PJA2: variants seen among roughly 807,000 people sequenced by gnomAD.
PJA2 encodes E3 ubiquitin-protein ligase Praja-2.
In PJA2, 25 loss-of-function variants were observed where a neutral mutation model predicts 69.3. The ratio of observed to expected loss-of-function variants is 0.36; its 90% confidence interval spans 0.26 to 0.50. The LOEUF (loss-of-function observed/expected upper bound fraction) is 0.50, where lower values mean the gene tolerates loss of function less well. Ranked by LOEUF, PJA2 falls within the 20% of genes least tolerant of loss-of-function variation. PJA2 has a pLI of 0.96. For synonymous variants in PJA2, 308 were observed against 277.8 expected (o/e 1.11, Z -1.08); for missense variants, 809 against 830.2 (o/e 0.97, Z 0.31).
intron 1 of PJA2, among the ~76,000 whole-genome samples, 157 bp downstream of exon 1, chr5:109,409,685 A>C (rs1747784837): frequency 6.6e-6 from 1 of 151,936 alleles, no homozygotes; most frequent in Non-Finnish European, 1.5e-5. Flanking sequence ...AACCCCACCC[A>C]CCATGGCCGG....
chr5:109,388,612 C>G (rs1423585331), intron 1 of PJA2, among the ~76,000 whole-genome samples: 1 of 152,150 alleles, frequency 6.6e-6, no homozygotes, highest in Non-Finnish European at 1.5e-5. Context: ...CGTGGATCTA[C>G]ACCCTTATGA....
At chr5:109,389,865 T>G (rs1747241699) in intron 1 of PJA2, among the ~76,000 whole-genome samples, 1 of 151,982 alleles carries the variant, frequency 6.6e-6, no homozygotes, top group African/African-American at 2.4e-5. Flanking sequence ...CACAGGCTAC[T>G]CAGAAGTGTC....
At chr5:109,337,794 A>C (rs1445129079) in intron 9 of PJA2, among the ~76,000 whole-genome samples, 1 of 151,970 alleles carries the variant, frequency 6.6e-6, no homozygotes, top group African/African-American at 2.4e-5. Flanking sequence ...AATTCACACC[A>C]AATCATTTAT....
intron 7 of PJA2, among the ~76,000 whole-genome samples, chr5:109,347,076 T>C (rs1406892731): frequency 6.6e-5 from 10 of 152,086 alleles, no homozygotes; most frequent in African/African-American, 9.7e-5. Flanking sequence ...AAATCAGGAC[T>C]AAAAAAGGAA....
intron 6 of PJA2, among the ~76,000 whole-genome samples, chr5:109,359,460 C>A (rs1762475771): frequency 6.6e-6 from 1 of 152,164 alleles, no homozygotes. Flanking sequence ...ATAACCAAAT[C>A]AAATTTTATA....
rs1455454989 is a variant in PJA2, at chr5:109,338,376, A to G, written c.2002-1020T>C. On this transcript the variant is annotated intron_variant, in intron 9 of 9. Coordinates refer to ENST00000361189, the MANE Select transcript of PJA2 (RefSeq NM_014819.5). The stretch of plus-strand genomic sequence containing the variant: ...CATTTCAGGCCAGGCACGGTGGCTC[A>G]TGCCTGTAATCCCAGCACTTTGGGA... 2.6e-5 allele frequency among the ~76,000 whole-genome samples: 4 copies of G among 152,306 alleles called. No individual in the cohort carries two copies. In the East Asian group the frequency reaches 7.7e-4, roughly 29 times the overall value.
intron 9 of PJA2, among the ~76,000 whole-genome samples, chr5:109,341,783 T>G (rs1221985932): frequency 1.4e-5 from 1 of 69,752 alleles, no homozygotes; most frequent in African/African-American, 5.2e-5. Context: ...GGTGGGGGGG[T>G]CGGCCCCCCG....
intron 1 of PJA2, among the ~76,000 whole-genome samples, chr5:109,391,694 T>C (rs756720454): frequency 1.3e-5 from 2 of 151,888 alleles, no homozygotes; most frequent in Non-Finnish European, 2.9e-5. Context: ...TATTCACAGA[T>C]AACATGATTA....
At chr5:109,399,761 C>CAACA (rs1409259606) in intron 1 of PJA2, among the ~76,000 whole-genome samples, 1 of 152,026 alleles carries the variant, frequency 6.6e-6, no homozygotes, top group Non-Finnish European at 1.5e-5. Flanking sequence ...TATCAAGAGA[C>CAACA]AACAACAAAC....
chr5:109,408,233 CA>C (rs1159721758), intron 1 of PJA2, among the ~76,000 whole-genome samples: 1 of 151,834 alleles, frequency 6.6e-6, no homozygotes, highest in Non-Finnish European at 1.5e-5. Flanking sequence ...TACATTCTTC[CA>C]TACTGTTTAA....
In PJA2 at chr5:109,334,781, T is replaced by C. The variant is rs1031397068; in HGVS notation, c.*2450A>G. 1 of 152,632 alleles carries C rather than the reference T, an allele frequency of 6.6e-6. No homozygotes were observed. The highest frequency in any genetic ancestry group is 3.2e-3 in the Middle Eastern group (1 of 316). The allele number at this position is 152,632 out of a possible 1,614,324, so 9.5% of individuals were successfully genotyped here. A position where few individuals can be genotyped will look rare whatever the true frequency, so the allele number is the denominator to read the frequency against. On this transcript the variant is annotated 3_prime_UTR_variant, in exon 10 of 10. Coordinates refer to ENST00000361189, the MANE Select transcript of PJA2 (RefSeq NM_014819.5). ...CACAGAAAATGATGGGCTGGGGTTA[T>C]AGAACAATAAACCAACCATTACATT...
Position 109,362,224 on chromosome 5 carries a change from T to C in PJA2, c.1652+616A>G, listed in dbSNP as rs548279687. 9.8e-5 allele frequency among the ~76,000 whole-genome samples: 15 copies of C among 152,342 alleles called. No homozygotes were observed. The South Asian group carries it at 2.9e-3, about 29-fold the overall frequency. On this transcript the variant is annotated intron_variant, in intron 6 of 9. Coordinates refer to ENST00000361189, the MANE Select transcript of PJA2 (RefSeq NM_014819.5). ...GTTACCTGCTTTCAGTGGGCTACTA[T>C]ACACTTTAAAGATACTATAAACCAA...
chr5:109,351,275 A>AT (rs1023622502), intron 7 of PJA2, among the ~76,000 whole-genome samples: 1 of 151,928 alleles, frequency 6.6e-6, no homozygotes, highest in Admixed American at 6.6e-5. Flanking sequence ...CCTTACATTC[A>AT]TAAGATGAAA....
At chr5:109,366,223 T>C (rs762954044) in intron 5 of PJA2, among the ~76,000 whole-genome samples, 1 of 152,152 alleles carries the variant, frequency 6.6e-6, no homozygotes, top group Non-Finnish European at 1.5e-5. Flanking sequence ...CCTTACTAAA[T>C]AGTCTGAATC....
chr5:109,378,800 C>T lies in PJA2; in HGVS notation c.687G>A (p.Glu229=). The T allele has an allele frequency of 1.2e-6, 2 of 1,613,100 alleles. No homozygotes were observed. Among genetic ancestry groups the T allele is most frequent in the Middle Eastern group, 1.6e-4 (1 of 6,062 alleles). ...ATGGTACAGAATCTAACTCTTCAAA[C>T]TCATCTCTTACTTCACAGTTAAATG... ...VPSFNCEVRD[E]FEELDSVPLV... Residue 229 remains glutamate, a synonymous_variant, in exon 4 of 10, where the codon GAG becomes GAA. Transcript: ENST00000361189.
rs1746982221 is a variant in PJA2, at chr5:109,379,263, AAAAC to A, written c.233-13_233-10del. 6.5e-7 allele frequency: 1 copy of A among 1,535,288 alleles called. No individual in the cohort carries two copies. The highest frequency in any genetic ancestry group is 2.0e-5 in the Admixed American group (1 of 48,898). ...ATCCAAAGGACTGGAACCTTCATAA[AAAAC>A]AAAAGAAAACATATTTTAAAGGATT... On this transcript the variant is annotated splice_polypyrimidine_tract_variant and intron_variant, in intron 3 of 9. Transcript: ENST00000361189.
chr5:109,388,452 A>C (rs1473048652), intron 1 of PJA2, among the ~76,000 whole-genome samples: 1 of 152,230 alleles, frequency 6.6e-6, no homozygotes, highest in Non-Finnish European at 1.5e-5. Context: ...TAAATGTCTG[A>C]GTTGCTATGT....
chr5:109,362,630 G>C (rs1762521761), intron 6 of PJA2, among the ~76,000 whole-genome samples: 1 of 152,280 alleles, frequency 6.6e-6, no homozygotes, highest in Non-Finnish European at 1.5e-5. Context: ...AGCTTCAAGA[G>C]AGCTAAAGGT....
chr5:109,365,180 A>G (rs1366545919), intron 5 of PJA2, among the ~76,000 whole-genome samples: 1 of 152,174 alleles, frequency 6.6e-6, no homozygotes. Context: ...TTTCTTCAGC[A>G]TTACTCACAA....
Sources: gnomAD v4.1 joint callset for allele counts (sites outside exome capture counted in the v4.1 genomes callset) on GRCh38, gnomAD v4.1.1 for gene constraint, MANE v1.5 for transcripts, NCBI Gene and HGNC (gene_info 2026-07-23, HGNC 2026-07-21) for gene names.